Variants in SCAPER observed in about 807,000 individuals in gnomAD.
SCAPER encodes the protein S phase cyclin A-associated protein in the endoplasmic reticulum.
In SCAPER, 98 loss-of-function variants were observed where a neutral mutation model predicts 182.2. That is an observed-to-expected ratio of 0.54 (90% CI 0.46 to 0.64). The LOEUF (loss-of-function observed/expected upper bound fraction) is 0.64, where lower values mean the gene tolerates loss of function less well. Among genes scored for constraint, SCAPER ranks in the 30% least tolerant of loss-of-function variants. The pLI, the probability that SCAPER is intolerant of heterozygous loss-of-function variation, is 0.00. For missense variants in SCAPER, 1,432 were observed against 1,690.0 expected (o/e 0.85, Z 2.68); for synonymous variants, 605 against 564.6 (o/e 1.07, Z -1.01).
At chr15:76,784,692 A>G (rs553888371) in intron 8 of SCAPER, among the ~76,000 whole-genome samples, 2 of 152,366 alleles carry the variant, frequency 1.3e-5, no homozygotes, top group African/African-American at 4.8e-5. Context: ...ACAGATATAT[A>G]GACCAATGGA....
intron 29 of SCAPER, among the ~76,000 whole-genome samples, chr15:76,368,774 G>A (rs139751191): frequency 6.8e-4 from 103 of 152,272 alleles, no homozygotes; most frequent in Non-Finnish European, 1.3e-3. Flanking sequence ...AAATGAGTAC[G>A]CAAAGGTGCA....
At chr15:76,851,546 G>C (rs985723956) in intron 4 of SCAPER, among the ~76,000 whole-genome samples, 1 of 151,872 alleles carries the variant, frequency 6.6e-6, no homozygotes, top group African/African-American at 2.4e-5. Flanking sequence ...CATTCTTAGA[G>C]AAAAAAAATC....
chr15:76,459,243 T>C (rs2048968648), intron 25 of SCAPER, among the ~76,000 whole-genome samples: 1 of 152,188 alleles, frequency 6.6e-6, no homozygotes, highest in East Asian at 1.9e-4. Flanking sequence ...GGTATTTGTC[T>C]TTTTGTGCCT....
intron 5 of SCAPER, among the ~76,000 whole-genome samples, chr15:76,830,994 C>G (rs2068424173): frequency 6.6e-6 from 1 of 152,098 alleles, no homozygotes; most frequent in Non-Finnish European, 1.5e-5. Context: ...ATGGAGTGGT[C>G]CACCCTCACC....
chr15:76,717,114 G>A (rs1319186946), intron 17 of SCAPER, among the ~76,000 whole-genome samples: 1 of 144,962 alleles, frequency 6.9e-6, no homozygotes, highest in Non-Finnish European at 1.5e-5. Flanking sequence ...CCTGGAGAAT[G>A]GGATGACATA....
chr15:76,422,668 TG>T (rs1392170997), intron 26 of SCAPER, among the ~76,000 whole-genome samples: 2 of 151,878 alleles, frequency 1.3e-5, no homozygotes, highest in Admixed American at 6.6e-5. Context: ...TGAATAGGAG[TG>T]GTGAGAGGGG....
chr15:76,777,859 A>G (rs983982605), intron 8 of SCAPER, among the ~76,000 whole-genome samples: 3 of 152,226 alleles, frequency 2.0e-5, no homozygotes, highest in African/African-American at 7.2e-5. Flanking sequence ...TATCAAATCA[A>G]AAATGGATTT....
In SCAPER at chr15:76,733,402, A is replaced by G. The variant is rs117060412; in HGVS notation, c.1867-18T>C. On this transcript the variant is annotated intron_variant, in intron 15 of 31. Transcript: ENST00000563290. ...TCATTTACCTTTAAAAAAACAAAGA[A>G]GGTAAGGTTCAGATCAAGTTAATTC... 9.4e-3 allele frequency: 15,107 copies of G among 1,609,242 alleles called. 102 individuals are homozygous for G. Among genetic ancestry groups the G allele is most frequent in the Non-Finnish European group, 0.011 (12,689 of 1,178,496 alleles).
chr15:76,479,679 A>C (rs2050943633), intron 24 of SCAPER, among the ~76,000 whole-genome samples: 1 of 152,198 alleles, frequency 6.6e-6, no homozygotes, highest in Non-Finnish European at 1.5e-5. Flanking sequence ...TTAAACAGAA[A>C]AGCTCCAGGT....
At chr15:76,562,563 T>A (rs1321537108) in intron 23 of SCAPER, among the ~76,000 whole-genome samples, 1 of 152,144 alleles carries the variant, frequency 6.6e-6, no homozygotes, top group Non-Finnish European at 1.5e-5. Context: ...CATTAAAATC[T>A]TGGCAAGATA....
chr15:76,367,929 A>AT (rs1489092038), intron 29 of SCAPER, among the ~76,000 whole-genome samples: 1 of 151,846 alleles, frequency 6.6e-6, no homozygotes, highest in Non-Finnish European at 1.5e-5. Flanking sequence ...AAAAACCCAC[A>AT]TTTTTTTCTT....
intron 1 of SCAPER, among the ~76,000 whole-genome samples, chr15:76,887,702 A>G (rs1442730090): frequency 6.6e-6 from 1 of 152,222 alleles, no homozygotes; most frequent in Admixed American, 6.5e-5. Flanking sequence ...ACTTGCCTCT[A>G]TAGACTCCAC....
intron 17 of SCAPER, among the ~76,000 whole-genome samples, chr15:76,722,287 A>G (rs542365288): frequency 4.6e-5 from 7 of 152,300 alleles, no homozygotes; most frequent in Non-Finnish European, 5.9e-5. Flanking sequence ...CCACTTGATC[A>G]TGGTGGATAA....
chr15:76,487,389 T>C (rs950832827), intron 24 of SCAPER, among the ~76,000 whole-genome samples: 3 of 152,124 alleles, frequency 2.0e-5, no homozygotes, highest in Non-Finnish European at 4.4e-5. Flanking sequence ...AATGAATATA[T>C]GGAGCACAAT....
chr15:76,427,887 C>T (rs958735040), intron 26 of SCAPER, among the ~76,000 whole-genome samples: 3 of 150,182 alleles, frequency 2.0e-5, no homozygotes, highest in East Asian at 3.9e-4. Flanking sequence ...GAGCTGAGAT[C>T]GCATCACTGA....
intron 11 of SCAPER, among the ~76,000 whole-genome samples, 155 bp from the exon 12 acceptor site, chr15:76,765,793 A>G (rs2063076289): frequency 6.6e-6 from 1 of 152,236 alleles, no homozygotes. Context: ...AGTACAATCA[A>G]AATAATTGCC....
At chr15:76,409,446 T>C (rs574275621) in intron 26 of SCAPER, among the ~76,000 whole-genome samples, 1 of 152,306 alleles carries the variant, frequency 6.6e-6, no homozygotes, top group South Asian at 2.1e-4. Flanking sequence ...CCTTTGCAGC[T>C]TTCTGTCATT....
chr15:76,876,092 C>A (rs372375130), intron 2 of SCAPER, among the ~76,000 whole-genome samples: 2 of 152,204 alleles, frequency 1.3e-5, no homozygotes, highest in African/African-American at 2.4e-5. Flanking sequence ...CCTCACTGCC[C>A]GGGGCCACTC....
intron 20 of SCAPER, among the ~76,000 whole-genome samples, chr15:76,697,067 T>C (rs138303104): frequency 1.4e-3 from 206 of 152,268 alleles, no homozygotes; most frequent in African/African-American, 4.9e-3. Context: ...ACAATTTTAT[T>C]AGGTCAGAGG....
Sources: allele counts gnomAD v4.1 joint callset (sites outside exome capture counted in the v4.1 genomes callset), GRCh38; gene constraint gnomAD v4.1.1; transcripts MANE v1.5; gene names NCBI Gene and HGNC (gene_info 2026-07-23, HGNC 2026-07-21).